Variants in NTM observed in about 807,000 individuals in gnomAD.
NTM encodes neurotrimin.
A neutral mutation model predicts 42.1 loss-of-function variants in NTM; 13 were observed. That is an observed-to-expected ratio of 0.31 (90% CI 0.20 to 0.49). The LOEUF (loss-of-function observed/expected upper bound fraction) is 0.49, where lower values mean the gene tolerates loss of function less well. Among genes scored for constraint, NTM ranks in the 20% least tolerant of loss-of-function variants. NTM has a pLI of 0.99. For missense variants in NTM, 373 were observed against 452.8 expected (o/e 0.82, Z 1.60); for synonymous variants, 187 against 179.2 (o/e 1.04, Z -0.35).
At chr11:131,657,783 T>C (rs2067397750) in intron 1 of NTM, among the ~76,000 whole-genome samples, 1 of 152,226 alleles carries the variant, frequency 6.6e-6, no homozygotes, top group South Asian at 2.1e-4. Context: ...TCGAGCTTTC[T>C]TACAACTCAT....
At chr11:131,660,507 C>T (rs1359543710) in intron 1 of NTM, 2 of 457,568 alleles carry the variant, frequency 4.4e-6, no homozygotes, top group Non-Finnish European at 8.8e-6. Flanking sequence ...CCGAGAGGCA[C>T]CAGCCGGCAC....
chr11:131,615,119 G>A (rs2061796555), intron 1 of NTM, among the ~76,000 whole-genome samples: 1 of 152,192 alleles, frequency 6.6e-6, no homozygotes, highest in Admixed American at 6.5e-5. Context: ...AATCAAGGCA[G>A]CACACACAAT....
intron 4 of NTM, among the ~76,000 whole-genome samples, chr11:132,214,850 G>A (rs760303815): frequency 6.6e-6 from 1 of 152,340 alleles, no homozygotes; most frequent in Non-Finnish European, 1.5e-5. Flanking sequence ...TGTACCTGTG[G>A]ATTAATTTAC....
At chr11:132,250,799 T>C (rs1176937009) in intron 4 of NTM, among the ~76,000 whole-genome samples, 1 of 152,210 alleles carries the variant, frequency 6.6e-6, no homozygotes. Flanking sequence ...CATTTCTTTA[T>C]ATAAAGATAT....
intron 4 of NTM, among the ~76,000 whole-genome samples, chr11:132,242,834 G>T (rs975425124): frequency 5.9e-5 from 9 of 152,226 alleles, no homozygotes; most frequent in African/African-American, 2.2e-4. Context: ...ACATCAGGTT[G>T]TTTCAGCTAC....
chr11:131,660,986 A>C (rs1050158327), intron 1 of NTM: 13 of 1,296,600 alleles, frequency 1.0e-5, no homozygotes, highest in Middle Eastern at 4.3e-4. Flanking sequence ...TTTAAAGTGG[A>C]AAAAAAAATG....
At chr11:131,474,522 C>T (rs1952737121) in intron 1 of NTM, among the ~76,000 whole-genome samples, 1 of 152,100 alleles carries the variant, frequency 6.6e-6, no homozygotes, top group African/African-American at 2.4e-5. Context: ...TCCCAGGTAC[C>T]ATATGCCTCA....
chr11:132,104,031 A>G (rs2061956231), intron 2 of NTM, among the ~76,000 whole-genome samples: 1 of 152,206 alleles, frequency 6.6e-6, no homozygotes, highest in South Asian at 2.1e-4. Flanking sequence ...GTTGTTTAGG[A>G]AGGTCATTCT....
chr11:131,600,707 G>T (rs912420637), intron 1 of NTM, among the ~76,000 whole-genome samples: 4 of 152,180 alleles, frequency 2.6e-5, no homozygotes, highest in African/African-American at 9.6e-5. Flanking sequence ...CTGGCCAGGA[G>T]GTACTTATGG....
intron 2 of NTM, among the ~76,000 whole-genome samples, chr11:132,041,527 T>TG (rs557556900): frequency 6.8e-4 from 103 of 152,346 alleles, no homozygotes; most frequent in African/African-American, 2.2e-3. Flanking sequence ...TGGGCATTAA[T>TG]GTGCTGACTT....
intron 2 of NTM, among the ~76,000 whole-genome samples, chr11:132,077,726 T>C (rs1196227702): frequency 6.6e-6 from 1 of 152,192 alleles, no homozygotes; most frequent in Non-Finnish European, 1.5e-5. Flanking sequence ...TAGCCAACAA[T>C]AGAAGAACAA....
intron 3 of NTM, among the ~76,000 whole-genome samples, chr11:132,207,888 C>A (rs890263386): frequency 2.6e-5 from 4 of 152,170 alleles, no homozygotes; most frequent in Admixed American, 2.0e-4. Flanking sequence ...ACGTGATTCA[C>A]CATTCTGTGT....
At chr11:131,988,677 G>T (rs2066488514) in intron 2 of NTM, among the ~76,000 whole-genome samples, 1 of 152,168 alleles carries the variant, frequency 6.6e-6, no homozygotes, top group Non-Finnish European at 1.5e-5. Context: ...ATTCGCTAGA[G>T]AAATTGATAT....
At chr11:132,298,484 C>G (rs753710800) in intron 4 of NTM, among the ~76,000 whole-genome samples, 2 of 152,122 alleles carry the variant, frequency 1.3e-5, no homozygotes, top group African/African-American at 2.4e-5. Context: ...TGACAGGCCT[C>G]CTGAGAAGGC....
Position 132,002,760 on chromosome 11 carries a change from CTT to C in NTM, c.167+91114_167+91115del, listed in dbSNP as rs1454955469. Among the ~76,000 whole-genome samples, 1 of 152,162 alleles carries C rather than the reference CTT, an allele frequency of 6.6e-6. No individual in the cohort carries two copies. Among genetic ancestry groups the C allele is most frequent in the Admixed American group, 6.5e-5 (1 of 15,274 alleles). ...GTTCTGCCACTTCCTTACTCTGTCT[CTT>C]TATCAATAAACTCATTGGGAAAAGT... is the stretch of plus-strand genomic sequence containing the variant. On this transcript the variant is annotated intron_variant, in intron 2 of 8. Coordinates refer to ENST00000683400, the MANE Select transcript of NTM (RefSeq NM_001352005.2). This position sits in a 1 kb window ranked among gnomAD's most constrained non-coding sequence, Gnocchi z 4.5.
chr11:132,015,073 A>G (rs893037085), intron 2 of NTM, among the ~76,000 whole-genome samples: 5 of 151,696 alleles, frequency 3.3e-5, no homozygotes, highest in African/African-American at 1.2e-4. Flanking sequence ...TTTTGATATG[A>G]TGAGTGATGG....
At chr11:131,748,235 G>A (rs1034790862) in intron 1 of NTM, among the ~76,000 whole-genome samples, 2 of 152,314 alleles carry the variant, frequency 1.3e-5, no homozygotes, top group East Asian at 1.9e-4. Context: ...TTGGTTAGGC[G>A]TCCAGGTCAT....
At chr11:132,320,604 T>G (rs916752939) in intron 7 of NTM, among the ~76,000 whole-genome samples, 2 of 151,070 alleles carry the variant, frequency 1.3e-5, no homozygotes, top group African/African-American at 4.9e-5. Flanking sequence ...GGGGGAGGGG[T>G]GCCCGCCATT....
intron 2 of NTM, among the ~76,000 whole-genome samples, chr11:132,029,177 A>G (rs551670381): frequency 2.0e-5 from 3 of 151,956 alleles, no homozygotes; most frequent in South Asian, 2.1e-4. Context: ...GCTCTGTGAC[A>G]TCTCTGAGGA....
Sources: allele counts gnomAD v4.1 joint callset (sites outside exome capture counted in the v4.1 genomes callset), GRCh38; gene constraint gnomAD v4.1.1; non-coding constraint Gnocchi (gnomAD v3.1); transcripts MANE v1.5; gene names NCBI Gene and HGNC (gene_info 2026-07-23, HGNC 2026-07-21).